The following SND1 variants were observed in gnomAD, a reference collection of about 807,000 sequenced individuals.
SND1 encodes the protein staphylococcal nuclease and tudor domain containing 1.
In SND1, 38 loss-of-function variants were observed where a neutral mutation model predicts 121.7. That is an observed-to-expected ratio of 0.31 (90% CI 0.24 to 0.41). SND1 has a LOEUF of 0.41. SND1 is among the 10% of genes least tolerant of loss of function. The probability of loss-of-function intolerance (pLI) is 1.00; values close to 1 mark genes in which losing one functional copy is unlikely to be tolerated. For synonymous variants in SND1, 401 were observed against 447.4 expected, an observed-to-expected ratio of 0.90 and a Z score of 1.31; for missense variants, 868 against 1,184.6, an observed-to-expected ratio of 0.73 and a Z score of 3.92.
intron 16 of SND1, chr7:128,028,677 A>C: frequency 6.2e-7 from 1 of 1,600,054 alleles, no homozygotes; most frequent in Non-Finnish European, 8.5e-7. Context: ...GGGGGAGGGG[A>C]GTCATATTTG....
chr7:128,047,805 A>G (rs999319127), intron 16 of SND1, among the ~76,000 whole-genome samples: 2 of 151,964 alleles, frequency 1.3e-5, no homozygotes, highest in Non-Finnish European at 2.9e-5. Context: ...TGACCCACCT[A>G]CAAAGGAAAT....
chr7:127,762,651 G>A (rs1236579593), intron 10 of SND1, among the ~76,000 whole-genome samples: 1 of 152,220 alleles, frequency 6.6e-6, no homozygotes, highest in Non-Finnish European at 1.5e-5. Context: ...CTAGTAGAGA[G>A]AATACTTTGC....
chr7:127,948,107 T>A (rs1801372733), intron 15 of SND1, among the ~76,000 whole-genome samples: 1 of 152,148 alleles, frequency 6.6e-6, no homozygotes, highest in African/African-American at 2.4e-5. Context: ...TAGAGGGAAG[T>A]TGATAATGGA....
chr7:127,726,225 G>A (rs1796580294), intron 10 of SND1, among the ~76,000 whole-genome samples: 1 of 152,168 alleles, frequency 6.6e-6, no homozygotes, highest in Non-Finnish European at 1.5e-5. Flanking sequence ...GATTTTGGTT[G>A]GAGCTTGGTT....
chr7:127,718,735 A>G lies in SND1; in HGVS notation c.1039-2552A>G, dbSNP rs575212517. On this transcript the variant is annotated intron_variant, in intron 9 of 23. Transcript: ENST00000354725. ...TGTTACAGGACATCCTTAGATCTTC[A>G]TGTTCTGTAATCAGCAGGTAAAGGT... is the stretch of plus-strand genomic sequence containing the variant. 2.5e-5 allele frequency: 25 copies of G among 985,326 alleles called. No individual in the cohort carries two copies. The African/African-American group carries it at 3.7e-4, about 14-fold the overall frequency. The allele number at this position is 985,326 out of a possible 1,614,324, so 61.0% of individuals were successfully genotyped here. A position where few individuals can be genotyped will look rare whatever the true frequency, so the allele number is the denominator to read the frequency against.
In SND1 at chr7:127,968,753, C is replaced by G. The variant is rs1266188846; in HGVS notation, c.1670-22194C>G. Reference sequence around the variant, plus strand: ...CTTAGAATCAAGAGTAGCAGGAAGACTGGCTTGTGCTCTCCCAAGCATAAC... The same window carrying G: ...CTTAGAATCAAGAGTAGCAGGAAGAGTGGCTTGTGCTCTCCCAAGCATAAC... On this transcript the variant is annotated intron_variant, in intron 15 of 23. Transcript: ENST00000354725. Among the ~76,000 whole-genome samples, 3 of 152,322 alleles carry G rather than the reference C, an allele frequency of 2.0e-5. No homozygotes were observed. The East Asian group carries it at 5.8e-4, about 29-fold the overall frequency.
At position 128,089,712 on chromosome 7, in the gene SND1, G is replaced by A. The variant is rs377648241; in HGVS notation, c.2622+20G>A. 3.7e-5 allele frequency: 59 copies of A among 1,610,194 alleles called. No homozygotes were observed. The highest frequency in any genetic ancestry group is 4.2e-5 in the Non-Finnish European group (50 of 1,177,292). On this transcript the variant is annotated intron_variant, in intron 22 of 23. Coordinates refer to ENST00000354725, the MANE Select transcript of SND1 (RefSeq NM_014390.4). ...AAAGTGGTATGTGATGTGGAGAGGCGGCCCCAGCATTGCGCCACCACCCTC... is the reference window on the plus strand; with the variant it reads ...AAAGTGGTATGTGATGTGGAGAGGCAGCCCCAGCATTGCGCCACCACCCTC...
At chr7:127,888,356 A>C (rs139523422) in intron 13 of SND1, among the ~76,000 whole-genome samples, 3 of 152,102 alleles carry the variant, frequency 2.0e-5, no homozygotes, top group Admixed American at 2.0e-4. Context: ...TTATGTCTGT[A>C]GTACATTTGC....
intron 16 of SND1, among the ~76,000 whole-genome samples, chr7:128,034,598 A>G (rs1352271606): frequency 1.3e-5 from 2 of 152,186 alleles, no homozygotes; most frequent in African/African-American, 2.4e-5. Context: ...GCCCCGCACT[A>G]TAAAGGTAGA....
At chr7:127,975,272 A>G (rs1802086597) in intron 15 of SND1, among the ~76,000 whole-genome samples, 1 of 152,092 alleles carries the variant, frequency 6.6e-6, no homozygotes, top group African/African-American at 2.4e-5. Flanking sequence ...ACACCCCAGT[A>G]TTGAGTTGAG....
chr7:127,815,496 AAGAAGGAGGAGGAGGAGGGGAGAAGAAG>A (rs1416324398), intron 11 of SND1, among the ~76,000 whole-genome samples: 1 of 151,972 alleles, frequency 6.6e-6, no homozygotes, highest in Non-Finnish European at 1.5e-5. Flanking sequence ...ACTCTAGAAG[AAGAAGGAGGAGGAGGAGGGGAGAAGAAG>A]AGAAGGAGGA....
chr7:128,041,948 G>A (rs1052792139), intron 16 of SND1, among the ~76,000 whole-genome samples: 3 of 152,148 alleles, frequency 2.0e-5, no homozygotes, highest in Admixed American at 6.5e-5. Context: ...ATGAACACCA[G>A]ACTGAAATGG....
intron 9 of SND1, among the ~76,000 whole-genome samples, chr7:127,719,458 C>G (rs745525688): frequency 2.9e-4 from 44 of 152,108 alleles, no homozygotes; most frequent in South Asian, 1.4e-3. Context: ...GGGTAGCTAG[C>G]CCTGACCTTG....
intron 10 of SND1, among the ~76,000 whole-genome samples, chr7:127,779,854 T>C (rs943920594): frequency 6.6e-6 from 1 of 152,250 alleles, no homozygotes; most frequent in Non-Finnish European, 1.5e-5. Flanking sequence ...TTACCCACTC[T>C]CATTATTCAA....
rs76166039 is a variant in SND1 at position 127,732,515 on chromosome 7, T to A, written c.1152+11115T>A. Among the ~76,000 whole-genome samples, 630 of 152,314 alleles carry A rather than the reference T, an allele frequency of 4.1e-3. 7 individuals carry two copies. The highest frequency in any genetic ancestry group is 0.015 in the African/African-American group (605 of 41,562). On this transcript the variant is annotated intron_variant, in intron 10 of 23. Coordinates refer to ENST00000354725, the MANE Select transcript of SND1 (RefSeq NM_014390.4). ...TTTGGATGCTGCATGAGCCTGCAAATGAATGCTTAGCATTGTTGAAGTTGA... is the reference window on the plus strand; with the variant it reads ...TTTGGATGCTGCATGAGCCTGCAAAAGAATGCTTAGCATTGTTGAAGTTGA...
chr7:128,059,622 G>C (rs1158823436), intron 16 of SND1, among the ~76,000 whole-genome samples: 3 of 152,170 alleles, frequency 2.0e-5, no homozygotes, highest in Non-Finnish European at 4.4e-5. Context: ...TCCTTCTCTA[G>C]CCCTGCTGTC....
chr7:127,743,324 C>T (rs1289721898), intron 10 of SND1, among the ~76,000 whole-genome samples: 1 of 152,180 alleles, frequency 6.6e-6, no homozygotes, highest in Non-Finnish European at 1.5e-5. Flanking sequence ...GGTGTTTTCC[C>T]TTGAAGCTTT....
At chr7:128,010,364 A>G (rs150024029) in intron 16 of SND1, among the ~76,000 whole-genome samples, 5 of 152,324 alleles carry the variant, frequency 3.3e-5, no homozygotes, top group Admixed American at 1.3e-4. Flanking sequence ...ATCTTCCCCA[A>G]TAAAAATGAG....
intron 1 of SND1, among the ~76,000 whole-genome samples, chr7:127,653,202 C>T (rs1795153253): frequency 6.6e-6 from 1 of 152,192 alleles, no homozygotes; most frequent in South Asian, 2.1e-4. Context: ...TATATACCCT[C>T]AACTTTTTGA....
Sources: gnomAD v4.1 joint callset for allele counts (sites outside exome capture counted in the v4.1 genomes callset) on GRCh38, gnomAD v4.1.1 for gene constraint, MANE v1.5 for transcripts, NCBI Gene and HGNC (gene_info 2026-07-23, HGNC 2026-07-21) for gene names.